Variants in SYCP2 observed in about 807,000 individuals in gnomAD.
The protein encoded by SYCP2 is synaptonemal complex lateral element protein.
SYCP2 carries 55 observed loss-of-function variants against 211.3 expected under a neutral mutation model. The observed-to-expected ratio is 0.26, with a 90% CI of 0.21 to 0.33. The LOEUF is 0.33. Ranked by LOEUF, SYCP2 falls within the 10% of genes least tolerant of loss-of-function variation. The probability of loss-of-function intolerance (pLI) is 1.00; values close to 1 mark genes in which losing one functional copy is unlikely to be tolerated. For missense variants in SYCP2, 1,731 were observed against 1,752.0 expected (o/e 0.99, Z 0.21); for synonymous variants, 570 against 555.2 (o/e 1.03, Z -0.37).
chr20:59,900,402 ATC>A, intron 17 of SYCP2, 118 bp from the exon 18 acceptor site: 5 of 917,378 alleles, frequency 5.5e-6, no homozygotes, highest in Non-Finnish European at 7.9e-6. Flanking sequence ...TCCCTTTTCT[ATC>A]CATGTGCTGT....
chr20:59,922,645 C>G (rs966843445), intron 2 of SYCP2, among the ~76,000 whole-genome samples, 186 bp from the exon 3 acceptor site: 4 of 151,580 alleles, frequency 2.6e-5, no homozygotes, highest in Non-Finnish European at 5.9e-5. Context: ...AGAGAAAAGC[C>G]TGAAGATCAT....
At chr20:59,877,676 G>T in intron 32 of SYCP2, 121 bp from the exon 33 acceptor site, 1 of 798,690 alleles carries the variant, frequency 1.3e-6, no homozygotes, top group Non-Finnish European at 2.0e-6. Context: ...AATGATTCTT[G>T]ATTAACATAC....
At chr20:59,899,812 A>C (rs553461031) in intron 18 of SYCP2, among the ~76,000 whole-genome samples, 41 of 152,318 alleles carry the variant, frequency 2.7e-4, no homozygotes, top group Middle Eastern at 6.8e-3. Flanking sequence ...GCAAATAAAC[A>C]GAACATTATA....
At chr20:59,872,673 T>C (rs1321270721) in intron 35 of SYCP2, among the ~76,000 whole-genome samples, 1 of 152,008 alleles carries the variant, frequency 6.6e-6, no homozygotes, top group Non-Finnish European at 1.5e-5. Flanking sequence ...AAGGGGTGAT[T>C]ACTGTACAGA....
intron 32 of SYCP2, among the ~76,000 whole-genome samples, chr20:59,877,793 TAA>T (rs2059589798): frequency 6.6e-6 from 1 of 151,960 alleles, no homozygotes; most frequent in Non-Finnish European, 1.5e-5. Context: ...CTAACTGAAG[TAA>T]AAGATTTTAA....
At chr20:59,900,901 GTAAT>G in intron 16 of SYCP2, 83 bp from the exon 17 acceptor site, 1 of 1,050,948 alleles carries the variant, frequency 9.5e-7, no homozygotes. Flanking sequence ...TCCATTTAAT[GTAAT>G]TATTTCCTGT....
chr20:59,920,688 C>T (rs556608827), intron 4 of SYCP2, among the ~76,000 whole-genome samples: 36 of 151,534 alleles, frequency 2.4e-4, no homozygotes, highest in Admixed American at 1.3e-3. Flanking sequence ...GAATGACAAA[C>T]TCAGGACAAA....
In SYCP2 at chr20:59,885,951, T is replaced by C. The variant is rs1600856351; in HGVS notation, c.2506A>G (p.Lys836Glu). ...ESLINSGFSNKPVVQLSKEKV... is the reference protein window; with the variant it reads ...ESLINSGFSNEPVVQLSKEKV... ...ACCTTACTGAGTTGTACAACAGGTT[T>C]GTTTGAAAAACCACTGTAAAAAAAG... Residue 836 changes from lysine (K) to glutamate (E), a missense_variant, in exon 26 of 45, where the codon AAA becomes GAA. This residue lies in a region of SYCP2 where 1,387 missense variants were observed against 1,351.3 expected (regional missense o/e 1.03). Transcript: ENST00000357552. The C allele has an allele frequency of 3.7e-6, 6 of 1,601,322 alleles. No individual in the cohort carries two copies.
chr20:59,911,675 T>G (rs1600948602), intron 14 of SYCP2, 75 bp downstream of exon 14: 1 of 594,042 alleles, frequency 1.7e-6, no homozygotes, highest in Non-Finnish European at 2.7e-6. Context: ...TATAAAGAAA[T>G]CCACATTCTT....
At position 59,914,124 on chromosome 20, in the gene SYCP2, G is replaced by C. The variant is rs1457428183; in HGVS notation, c.762C>G (p.Asp254Glu). ...FIAKAFKRIK[D>E]SEFETDCRIF... ...TACAACTTACTGTTTCAAATTCAGA[G>C]TCCTTAATTCTTTTAAATGCCTTAG... Residue 254 changes from aspartate to glutamate, a missense_variant, in exon 11 of 45, where the codon GAC becomes GAG. Asp to Glu is a conservative substitution (Grantham distance 45). This residue lies in a region of SYCP2 where 335 missense variants were observed against 378.8 expected (regional missense o/e 0.88). Coordinates refer to ENST00000357552, the MANE Select transcript of SYCP2 (RefSeq NM_014258.4). The C allele has an allele frequency of 1.3e-6, 2 of 1,599,104 alleles. No individual in the cohort carries two copies. Among genetic ancestry groups the C allele is most frequent in the African/African-American group, 2.7e-5 (2 of 74,502 alleles).
rs768892525 is a variant in SYCP2, at chr20:59,864,336, G to A, written c.4568C>T (p.Ser1523Phe). 5.0e-6 allele frequency: 8 copies of A among 1,604,730 alleles called. No individual in the cohort carries two copies. In the South Asian group the frequency reaches 8.9e-5, roughly 18 times the overall value. The change falls in exon 45 of 45, where the codon TCT (serine) becomes TTT (phenylalanine). Residue 1523 changes from serine (S) to phenylalanine (F), a missense_variant. By Grantham distance (155) the Ser-to-Phe change is radical. Around this residue, in one of 3 missense-constraint regions of SYCP2, gnomAD observed 1,387 missense variants for 1,351.3 expected, o/e 1.03. Transcript: ENST00000357552. ...TCACACATTAGCATTTCTTTCATGA[G>A]ACATGAATACTGACATCAGTTCTCT... ...VRRELMSVFM[S>F]HERNANV
chr20:59,894,052 A>G (rs1222372185), intron 20 of SYCP2, among the ~76,000 whole-genome samples: 1 of 152,066 alleles, frequency 6.6e-6, no homozygotes, highest in Non-Finnish European at 1.5e-5. Context: ...TTATAACAAT[A>G]TCTATTGCAT....
chr20:59,890,194 T>C (rs1237244822), intron 24 of SYCP2, among the ~76,000 whole-genome samples: 1 of 152,160 alleles, frequency 6.6e-6, no homozygotes, highest in Admixed American at 6.5e-5. Flanking sequence ...CGTGGCATTA[T>C]ACACCATGGA....
Position 59,921,386 on chromosome 20 carries a change from T to C in SYCP2, c.92A>G (p.Gln31Arg). The stretch of plus-strand genomic sequence containing the variant: ...CTTCACATCTTCACAAATATCAATT[T>C]GCAAAAGTGTTTTCAAAGGTTTGAA... ...NDFKPLKTLL[Q>R]IDICEDVKIK... The change falls in exon 4 of 45, where the codon CAA (glutamine) becomes CGA (arginine). Residue 31 changes from glutamine to arginine, a missense_variant. By Grantham distance (43) the Gln-to-Arg change is conservative (BLOSUM62 1). Around this residue, in one of 3 missense-constraint regions of SYCP2, gnomAD observed 335 missense variants for 378.8 expected, o/e 0.88. Transcript: ENST00000357552. The C allele has an allele frequency of 6.2e-7, 1 of 1,607,344 alleles. No homozygotes were observed. Among genetic ancestry groups the C allele is most frequent in the Non-Finnish European group, 8.5e-7 (1 of 1,176,138 alleles).
intron 2 of SYCP2, among the ~76,000 whole-genome samples, chr20:59,928,383 C>CA (rs2060673054): frequency 6.6e-6 from 1 of 152,074 alleles, no homozygotes; most frequent in Admixed American, 6.6e-5. Context: ...ATAAAACCAT[C>CA]AATGCTTCAC....
rs761689267 is a variant in SYCP2 at position 59,877,963 on chromosome 20, A to G, written c.2979+45T>C. ...ATGAATTATTTTTATATGGCAAGAA[A>G]AAATAATTTTAAAGGGATGTTTGAA... On this transcript the variant is annotated intron_variant, in intron 32 of 44. Coordinates refer to ENST00000357552, the MANE Select transcript of SYCP2 (RefSeq NM_014258.4). 4.1e-6 allele frequency: 6 copies of G among 1,477,584 alleles called. No homozygotes were observed. In the African/African-American group the frequency reaches 7.1e-5, roughly 17 times the overall value. The allele number at this position is 1,477,584 out of a possible 1,614,324, so 91.5% of individuals were successfully genotyped here.
At chr20:59,875,501 C>G (rs772436328) in intron 33 of SYCP2, 32 bp from the exon 34 acceptor site, 2 of 1,522,578 alleles carry the variant, frequency 1.3e-6, no homozygotes, top group East Asian at 4.5e-5. Context: ...AAATTATACT[C>G]AAGTACAAAT....
At chr20:59,923,512 T>C (rs182301603) in intron 2 of SYCP2, among the ~76,000 whole-genome samples, 80 of 151,874 alleles carry the variant, frequency 5.3e-4, no homozygotes, top group African/African-American at 1.9e-3. Flanking sequence ...TTAAATATTG[T>C]ATGTTACAAA....
Position 59,916,469 on chromosome 20 carries a change from CAAAT to C in SYCP2, c.513+13_513+16del, listed in dbSNP as rs1313730886. ...GTTCTCATTTTTAGTTTTTAAAACA[CAAAT>C]AAATGACTTTACCTCTTGCTGAATA... is the stretch of plus-strand genomic sequence containing the variant. On this transcript the variant is annotated intron_variant, in intron 8 of 44. Transcript: ENST00000357552. The C allele has an allele frequency of 3.3e-6, 5 of 1,498,052 alleles. No homozygotes were observed. Among genetic ancestry groups the C allele is most frequent in the Middle Eastern group, 1.7e-4 (1 of 5,770 alleles). The allele number at this position is 1,498,052 out of a possible 1,614,324, so 92.8% of individuals were successfully genotyped here.
Sources: gnomAD v4.1 joint callset for allele counts (sites outside exome capture counted in the v4.1 genomes callset) on GRCh38, gnomAD v4.1.1 for gene constraint, gnomAD v4.1.1 regional missense constraint, MANE v1.5 for transcripts, NCBI Gene and HGNC (gene_info 2026-07-23, HGNC 2026-07-21) for gene names.